The following NCKAP5 variants were observed in gnomAD, a reference collection of about 807,000 sequenced individuals.
The protein encoded by NCKAP5 is NCK associated protein 5.
NCKAP5 carries 92 observed loss-of-function variants against 167.0 expected under a neutral mutation model. The observed-to-expected ratio is 0.55, with a 90% CI of 0.47 to 0.66. The LOEUF (loss-of-function observed/expected upper bound fraction) is 0.66, where lower values mean the gene tolerates loss of function less well. Among genes scored for constraint, NCKAP5 ranks in the 30% least tolerant of loss-of-function variants. NCKAP5 has a pLI of 0.00. For synonymous variants in NCKAP5, 891 were observed against 877.4 expected (o/e 1.02, Z -0.27); for missense variants, 2,378 against 2,315.0 (o/e 1.03, Z -0.56).
At chr2:133,058,620 A>G (rs1466168835) in intron 6 of NCKAP5, among the ~76,000 whole-genome samples, 1 of 152,344 alleles carries the variant, frequency 6.6e-6, no homozygotes, top group East Asian at 1.9e-4. Context: ...ACATAAACAG[A>G]TAAGTTACTT....
Position 132,785,626 on chromosome 2 carries a change from A to G in NCKAP5, c.1185T>C (p.Arg395=). ...CTTCCAAAATGTGGCTTTCCTTGAT[A>G]CGAGTTGGAGGTAGTTCATTTGTAG... is the stretch of plus-strand genomic sequence containing the variant. ...ASPTNELPPT[R]IKESHILEGL... Residue 395 remains arginine (R), a synonymous_variant, in exon 14 of 20, where the codon CGT becomes CGC. Coordinates refer to ENST00000409261, the MANE Select transcript of NCKAP5 (RefSeq NM_207363.3). 6.4e-7 allele frequency: 1 copy of G among 1,559,396 alleles called. No individual in the cohort carries two copies. Among genetic ancestry groups the G allele is most frequent in the South Asian group, 1.2e-5 (1 of 80,212 alleles).
intron 3 of NCKAP5, among the ~76,000 whole-genome samples, chr2:133,499,687 G>A (rs1261994052): frequency 6.6e-6 from 1 of 152,184 alleles, no homozygotes; most frequent in African/African-American, 2.4e-5. Context: ...AGCCTCCCGA[G>A]TAGGTGGGAT....
At chr2:133,124,999 CT>C (rs1163488400) in intron 6 of NCKAP5, among the ~76,000 whole-genome samples, 5 of 152,230 alleles carry the variant, frequency 3.3e-5, no homozygotes, top group Middle Eastern at 3.4e-3. Context: ...CGAGGTGAGG[CT>C]GCACCACTAC....
intron 6 of NCKAP5, among the ~76,000 whole-genome samples, chr2:133,088,773 A>T (rs956755810): frequency 6.6e-6 from 1 of 152,200 alleles, no homozygotes; most frequent in Non-Finnish European, 1.5e-5. Flanking sequence ...ATCTGTAATA[A>T]AACGATATGT....
At chr2:133,013,246 A>T (rs1488405119) in intron 6 of NCKAP5, among the ~76,000 whole-genome samples, 1 of 152,206 alleles carries the variant, frequency 6.6e-6, no homozygotes, top group African/African-American at 2.4e-5. Flanking sequence ...CCTTTTTGTC[A>T]GCAGGCTGCA....
chr2:133,641,613 G>A, the NCKAP5 span, among the ~76,000 whole-genome samples: 2 of 152,248 alleles, frequency 1.3e-5, no homozygotes, highest in African/African-American at 2.4e-5. Flanking sequence ...AGGCAAGCAC[G>A]TGGACACAGC....
intron 8 of NCKAP5, among the ~76,000 whole-genome samples, chr2:132,882,282 G>T (rs1691818194): frequency 6.6e-6 from 1 of 152,114 alleles, no homozygotes; most frequent in African/African-American, 2.4e-5. Flanking sequence ...GTGTTAGCCT[G>T]TATCAGTTGC....
At chr2:133,447,552 CCTTCCTTTCCCCCTCCCTTCT>C (rs1242794282) in intron 3 of NCKAP5, among the ~76,000 whole-genome samples, 4 of 144,458 alleles carry the variant, frequency 2.8e-5, no homozygotes, top group South Asian at 2.4e-4. Context: ...CCTTCCCTCC[CCTTCCTTTCCCCCTCCCTTCT>C]CTTCCTTTCC....
intron 3 of NCKAP5, among the ~76,000 whole-genome samples, chr2:133,331,058 ATG>A (rs1559389932): frequency 1.3e-5 from 2 of 152,098 alleles, no homozygotes; most frequent in African/African-American, 2.4e-5. Context: ...GTGCAAAAGT[ATG>A]TGTGTGTGTA....
intron 11 of NCKAP5, among the ~76,000 whole-genome samples, chr2:132,808,224 T>G (rs1028203404): frequency 5.9e-5 from 9 of 152,156 alleles, no homozygotes; most frequent in African/African-American, 2.2e-4. Flanking sequence ...GTTTTCTTTT[T>G]TGGTTGTATC....
intron 5 of NCKAP5, among the ~76,000 whole-genome samples, chr2:133,151,389 A>G (rs1426426165): frequency 6.6e-6 from 1 of 152,204 alleles, no homozygotes; most frequent in Non-Finnish European, 1.5e-5. Flanking sequence ...AAATCTTTGC[A>G]TAAGATACAT....
chr2:132,806,262 T>C (rs1685429992), intron 11 of NCKAP5, among the ~76,000 whole-genome samples: 1 of 152,192 alleles, frequency 6.6e-6, no homozygotes, highest in Non-Finnish European at 1.5e-5. Context: ...TTTCGAATAA[T>C]GATTTGTTTT....
chr2:133,171,236 T>C (rs1353501556), intron 5 of NCKAP5, among the ~76,000 whole-genome samples: 1 of 152,152 alleles, frequency 6.6e-6, no homozygotes, highest in African/African-American at 2.4e-5. Flanking sequence ...GTTGTTTTTG[T>C]GGAATGATAA....
At chr2:132,680,611 C>T (rs1041409688) in intron 19 of NCKAP5, among the ~76,000 whole-genome samples, 12 of 151,984 alleles carry the variant, frequency 7.9e-5, no homozygotes, top group Admixed American at 7.2e-4. Flanking sequence ...ACAATGGCTA[C>T]AAAGGACATT....
chr2:132,942,523 A>G (rs1349042821), intron 8 of NCKAP5, among the ~76,000 whole-genome samples: 2 of 152,190 alleles, frequency 1.3e-5, no homozygotes, highest in Non-Finnish European at 2.9e-5. Context: ...ACTGTAATAT[A>G]TATTTTATGT....
chr2:132,672,768 A>T lies in NCKAP5; in HGVS notation c.*521T>A. ...TTTACAACTTCTGTACAAATATTCAAAAAAAGTGCAAAATTAAGGATTCTG... is the reference window on the plus strand; with the variant it reads ...TTTACAACTTCTGTACAAATATTCATAAAAAGTGCAAAATTAAGGATTCTG... On this transcript the variant is annotated 3_prime_UTR_variant, in exon 20 of 20. Transcript: ENST00000409261. 1 of 187,562 alleles carries T rather than the reference A, an allele frequency of 5.3e-6. No individual in the cohort carries two copies. Among genetic ancestry groups the T allele is most frequent in the Middle Eastern group, 2.7e-3 (1 of 372 alleles). The allele number at this position is 187,562 out of a possible 1,614,324, so 11.6% of individuals were successfully genotyped here. A position where few individuals can be genotyped will look rare whatever the true frequency, so the allele number is the denominator to read the frequency against.
At chr2:132,932,961 G>A (rs966797561) in intron 8 of NCKAP5, among the ~76,000 whole-genome samples, 31 of 83,064 alleles carry the variant, frequency 3.7e-4, no homozygotes, top group African/African-American at 1.4e-3. Context: ...ATCTCGCTTT[G>A]TTGCCCAGGC....
intron 6 of NCKAP5, among the ~76,000 whole-genome samples, chr2:133,059,491 T>C (rs1160671010): frequency 2.6e-5 from 4 of 151,528 alleles, no homozygotes; most frequent in African/African-American, 4.9e-5. Flanking sequence ...AGCCTGAGGG[T>C]GGGACCCTAT....
At chr2:133,204,154 C>A (rs1212888796) in intron 5 of NCKAP5, among the ~76,000 whole-genome samples, 2 of 152,098 alleles carry the variant, frequency 1.3e-5, no homozygotes, top group African/African-American at 4.8e-5. Flanking sequence ...CTAATATTTT[C>A]TTCTACTTTC....
Sources: gnomAD v4.1 joint callset for allele counts (sites outside exome capture counted in the v4.1 genomes callset) on GRCh38, gnomAD v4.1.1 for gene constraint, MANE v1.5 for transcripts, NCBI Gene and HGNC (gene_info 2026-07-23, HGNC 2026-07-21) for gene names.